Variants in SLC25A13 observed in about 807,000 individuals in gnomAD.
The protein encoded by SLC25A13 is solute carrier family 25 member 13, also known as electrogenic aspartate/glutamate antiporter SLC25A13, mitochondrial.
SLC25A13 carries 70 observed loss-of-function variants against 85.5 expected under a neutral mutation model. The observed-to-expected ratio is 0.82, with a 90% CI of 0.68 to 1.00. The LOEUF (loss-of-function observed/expected upper bound fraction) is 1.00, where lower values mean the gene tolerates loss of function less well. Among genes scored for constraint, SLC25A13 ranks in the 50% least tolerant of loss-of-function variants. The probability of loss-of-function intolerance (pLI) is 0.00; values close to 1 mark genes in which losing one functional copy is unlikely to be tolerated. For missense variants in SLC25A13, 765 were observed against 819.8 expected, an observed-to-expected ratio of 0.93 and a Z score of 0.82; for synonymous variants, 259 against 288.7, an observed-to-expected ratio of 0.90 and a Z score of 1.04.
At chr7:96,189,793 T>A in intron 7 of SLC25A13, 119 bp from the exon 8 acceptor site, 1 of 884,632 alleles carries the variant, frequency 1.1e-6, no homozygotes, top group Non-Finnish European at 1.9e-6. Flanking sequence ...TCATCAGTTG[T>A]AGAATTCAAG....
chr7:96,135,014 C>T (rs1366047391), intron 14 of SLC25A13, among the ~76,000 whole-genome samples: 3 of 151,908 alleles, frequency 2.0e-5, no homozygotes, highest in Non-Finnish European at 4.4e-5. Flanking sequence ...AAAGAACTTC[C>T]ACCTGGTGTG....
intron 5 of SLC25A13, among the ~76,000 whole-genome samples, chr7:96,208,505 C>CTT (rs34151128): frequency 1.9e-4 from 26 of 139,716 alleles, no homozygotes; most frequent in African/African-American, 2.4e-4. Flanking sequence ...ACCCTTTTAA[C>CTT]TTTTTTTTTT....
rs75213426 is a variant in SLC25A13 at position 96,231,266 on chromosome 7, T to A, written c.328+3536A>T. The stretch of plus-strand genomic sequence containing the variant: ...CAAAAATTGACAAATGGGACCTAAT[T>A]AACTAAAGGGCATTCTGCACAGCAA... On this transcript the variant is annotated intron_variant, in intron 4 of 17. Transcript: ENST00000265631. 4.9e-3 allele frequency among the ~76,000 whole-genome samples: 740 copies of A among 152,148 alleles called. 8 individuals carry two copies. Among genetic ancestry groups the A allele is most frequent in the African/African-American group, 0.017 (712 of 41,500 alleles).
At chr7:96,212,649 C>G (rs1181493721) in intron 4 of SLC25A13, among the ~76,000 whole-genome samples, 2 of 152,168 alleles carry the variant, frequency 1.3e-5, no homozygotes, top group Non-Finnish European at 2.9e-5. Flanking sequence ...GGTCCAGTTA[C>G]AGTGCTTTGG....
chr7:96,195,688 CCAGACCTGCCA>C lies in SLC25A13; in HGVS notation c.469-2516_469-2506del, dbSNP rs1298039300. Among the ~76,000 whole-genome samples, 9 of 152,288 alleles carry C rather than the reference CCAGACCTGCCA, an allele frequency of 5.9e-5. No individual in the cohort carries two copies. In the East Asian group the frequency reaches 7.7e-4, roughly 13 times the overall value. On this transcript the variant is annotated intron_variant, in intron 5 of 17. Transcript: ENST00000265631. Reference sequence around the variant, plus strand: ...CTCCTATCACCCATGCCCACCCCTGCCAGACCTGCCACACACCTGGGCTTTTGCCCACATCG... The same window carrying C: ...CTCCTATCACCCATGCCCACCCCTGCCACACCTGGGCTTTTGCCCACATCG...
chr7:96,283,509 A>G, intron 2 of SLC25A13: 1 of 396,448 alleles, frequency 2.5e-6, no homozygotes, highest in East Asian at 6.5e-5. Context: ...TTCAAAAAGG[A>G]ATGCTTTACA....
intron 5 of SLC25A13, among the ~76,000 whole-genome samples, chr7:96,201,094 A>G (rs990693643): frequency 6.6e-6 from 1 of 152,224 alleles, no homozygotes; most frequent in African/African-American, 2.4e-5. Flanking sequence ...ACACCAAATG[A>G]TGCTGTTTAT....
Position 96,169,974 on chromosome 7 carries a change from C to A in SLC25A13, c.1311+71G>T, listed in dbSNP as rs1793931346. 3 of 1,456,166 alleles carry A rather than the reference C, an allele frequency of 2.1e-6. No individual in the cohort carries two copies. In the East Asian group the frequency reaches 6.8e-5, roughly 33 times the overall value. 90.2% of individuals were successfully genotyped at this position (1,456,166 alleles called of 1,614,324 possible). A position where few individuals can be genotyped will look rare whatever the true frequency, so the allele number is the denominator to read the frequency against. ...GTTAAACAGAAGCCTTAGTCCACAC[C>A]TGTTGACCATGGTAGTGATATATAT... On this transcript the variant is annotated intron_variant, in intron 13 of 17. Transcript: ENST00000265631.
In SLC25A13 at chr7:96,184,319, TA is replaced by T; in HGVS notation, c.1134del (p.Phe378LeufsTer30). ...ELMYKNSFDC[F>X]KKVLRYEGFF... ...AAGCCTTCATAGCGTAGCACTTTCTTAAAACAGTCAAAGCTGTTTTTATACA... is the reference window on the plus strand; with the variant it reads ...AAGCCTTCATAGCGTAGCACTTTCTTAAACAGTCAAAGCTGTTTTTATACA... On this transcript the variant is annotated frameshift_variant, in exon 11 of 18. Coordinates refer to ENST00000265631, the MANE Select transcript of SLC25A13 (RefSeq NM_014251.3). LOFTEE classifies it high-confidence loss of function. 2 of 1,614,178 alleles carry T rather than the reference TA, an allele frequency of 1.2e-6. No homozygotes were observed. The highest frequency in any genetic ancestry group is 1.7e-6 in the Non-Finnish European group (2 of 1,180,028).
In SLC25A13 at chr7:96,282,226, G is replaced by T. The variant is rs75612501; in HGVS notation, c.70-4888C>A. On this transcript the variant is annotated intron_variant, in intron 2 of 17. Coordinates refer to ENST00000265631, the MANE Select transcript of SLC25A13 (RefSeq NM_014251.3). The stretch of plus-strand genomic sequence containing the variant: ...ACCAAGAAATACCACCATACTCAGT[G>T]AAGATGACAGCAAAGGAAACCAGAA... 2.9e-3 allele frequency among the ~76,000 whole-genome samples: 437 copies of T among 152,194 alleles called. 1 individual carries two copies. Among genetic ancestry groups the T allele is most frequent in the African/African-American group, 9.8e-3 (405 of 41,498 alleles).
At chr7:96,208,267 T>C (rs1795535373) in intron 5 of SLC25A13, among the ~76,000 whole-genome samples, 1 of 152,218 alleles carries the variant, frequency 6.6e-6, no homozygotes, top group Non-Finnish European at 1.5e-5. Context: ...GGGGCCTCAA[T>C]GTGTATTCCT....
intron 3 of SLC25A13, among the ~76,000 whole-genome samples, chr7:96,266,884 G>C (rs1024749490): frequency 4.6e-5 from 7 of 152,144 alleles, no homozygotes; most frequent in Admixed American, 4.6e-4. Flanking sequence ...TTTTGTTTTG[G>C]TAGATTAATT....
intron 3 of SLC25A13, among the ~76,000 whole-genome samples, chr7:96,237,410 T>G (rs1358356405): frequency 6.6e-6 from 1 of 151,962 alleles, no homozygotes; most frequent in Non-Finnish European, 1.5e-5. Flanking sequence ...AGTTACCAAT[T>G]CTCCATCTAG....
intron 1 of SLC25A13, among the ~76,000 whole-genome samples, chr7:96,304,774 G>T (rs1799680905): frequency 6.6e-6 from 1 of 152,182 alleles, no homozygotes; most frequent in Admixed American, 6.5e-5. Flanking sequence ...TGGGAAAGCT[G>T]CAGTGTACTA....
chr7:96,208,451 A>C (rs1183518607), intron 5 of SLC25A13, among the ~76,000 whole-genome samples: 1 of 152,090 alleles, frequency 6.6e-6, no homozygotes, highest in Non-Finnish European at 1.5e-5. Context: ...TCAAGACTCC[A>C]ATCAGGACTT....
At position 96,192,944 on chromosome 7, in the gene SLC25A13, C is replaced by A. The variant is rs531800049; in HGVS notation, c.615+93G>T. On this transcript the variant is annotated intron_variant, in intron 6 of 17. Transcript: ENST00000265631. The stretch of plus-strand genomic sequence containing the variant: ...CACATTAAAATGTTAGTGTTTGCAA[C>A]AGAAAAAAAACACTACATAACTTAT... The A allele has an allele frequency of 2.0e-3, 2,710 of 1,381,880 alleles. 23 individuals are homozygous for A. In the Middle Eastern group the frequency reaches 0.048, roughly 24 times the overall value. 85.6% of individuals were successfully genotyped at this position (1,381,880 alleles called of 1,614,324 possible). A position where few individuals can be genotyped will look rare whatever the true frequency, so the allele number is the denominator to read the frequency against.
At chr7:96,297,102 C>T (rs1261342941) in intron 1 of SLC25A13, 151 bp from the exon 2 acceptor site, 3 of 703,968 alleles carry the variant, frequency 4.3e-6, no homozygotes, top group Non-Finnish European at 7.5e-6. Flanking sequence ...AACTATGCCC[C>T]CTTCCCATTT....
At chr7:96,286,570 T>C (rs2116967376) in intron 2 of SLC25A13, among the ~76,000 whole-genome samples, 1 of 152,330 alleles carries the variant, frequency 6.6e-6, no homozygotes, top group Admixed American at 6.5e-5. Context: ...CATAGAAAGA[T>C]ATAATTAGAC....
chr7:96,206,534 T>G (rs989580444), intron 5 of SLC25A13, among the ~76,000 whole-genome samples: 2 of 152,176 alleles, frequency 1.3e-5, no homozygotes, highest in South Asian at 4.1e-4. Flanking sequence ...AGGTAAAGCC[T>G]ATCATGGTCC....
Sources: allele counts gnomAD v4.1 joint callset (sites outside exome capture counted in the v4.1 genomes callset), GRCh38; gene constraint gnomAD v4.1.1; transcripts MANE v1.5; gene names NCBI Gene and HGNC (gene_info 2026-07-23, HGNC 2026-07-21).